RNF135: variants seen among roughly 807,000 people sequenced by gnomAD.
RNF135 encodes E3 ubiquitin-protein ligase RNF135.
A neutral mutation model predicts 41.9 loss-of-function variants in RNF135; 46 were observed. The ratio of observed to expected loss-of-function variants is 1.10; its 90% CI spans 0.87 to 1.40. The LOEUF (loss-of-function observed/expected upper bound fraction) is 1.40, where lower values mean the gene tolerates loss of function less well. Ranked by LOEUF, RNF135 falls within the 40% of genes most tolerant of loss-of-function variation. RNF135 has a pLI of 0.00. For synonymous variants in RNF135, 238 were observed against 223.8 expected (o/e 1.06, Z -0.57); for missense variants, 539 against 549.8 (o/e 0.98, Z 0.20).
At position 30,988,348 on chromosome 17, in the gene RNF135, A is replaced by G. The variant is rs879504364; in HGVS notation, c.679+242A>G. On this transcript the variant is annotated intron_variant, in intron 3 of 4. Coordinates refer to ENST00000328381, the MANE Select transcript of RNF135 (RefSeq NM_032322.4). The stretch of plus-strand genomic sequence containing the variant: ...GATAGAAACTCATTTTTGAAGATCC[A>G]TGCACACAGGTCCTTACTGATCAAG... 3.3e-5 allele frequency among the ~76,000 whole-genome samples: 5 copies of G among 151,512 alleles called. No homozygotes were observed. The Admixed American group carries it at 3.3e-4, about 10-fold the overall frequency.
At chr17:30,971,657 C>T in intron 1 of RNF135, 1 of 1,350,362 alleles carries the variant, frequency 7.4e-7, no homozygotes, top group Non-Finnish European at 9.4e-7. Context: ...CTTCCGAAAG[C>T]TTGTCAACTT....
chr17:30,971,346 G>C lies in RNF135; in HGVS notation c.273G>C (p.Glu91Asp), dbSNP rs1203246474. ...ACAAGTACCGCCGCGCCGCACGCGAGATACAGGCGGGCTCCGACCCTGCCC... is the reference window on the plus strand; with the variant it reads ...ACAAGTACCGCCGCGCCGCACGCGACATACAGGCGGGCTCCGACCCTGCCC... ...LADKYRRAAR[E>D]IQAGSDPAHC... The change falls in exon 1 of 5, where the codon GAG becomes GAC. Residue 91 changes from glutamate (E) to aspartate (D), a missense_variant. By Grantham distance (45) the Glu-to-Asp change is conservative (BLOSUM62 2). Coordinates refer to ENST00000328381, the MANE Select transcript of RNF135 (RefSeq NM_032322.4). 6.5e-7 allele frequency: 1 copy of C among 1,532,724 alleles called. No homozygotes were observed. Among genetic ancestry groups the C allele is most frequent in the Non-Finnish European group, 8.7e-7 (1 of 1,143,506 alleles). The allele number at this position is 1,532,724 out of a possible 1,614,324, so 94.9% of individuals were successfully genotyped here.
At chr17:30,967,854 A>C (rs1905614848), upstream of RNF135, among the ~76,000 whole-genome samples, 1 of 152,008 alleles carries the variant, frequency 6.6e-6, no homozygotes, top group East Asian at 1.9e-4. Context: ...GGTGCCTGCA[A>C]CTACGCCCAG....
intron 4 of RNF135, among the ~76,000 whole-genome samples, chr17:30,997,996 A>C (rs1163136661): frequency 6.6e-6 from 1 of 152,246 alleles, no homozygotes; most frequent in Non-Finnish European, 1.5e-5. Context: ...GTTTCAGTTT[A>C]ACTGGGAAGG....
chr17:30,980,852 G>T (rs1175902613), intron 1 of RNF135, among the ~76,000 whole-genome samples: 1 of 149,924 alleles, frequency 6.7e-6, no homozygotes, highest in African/African-American at 2.5e-5. Context: ...GATGGCGGCC[G>T]GGCAGAGACG....
chr17:30,971,481 C>T (rs1905940746), intron 1 of RNF135, 36 bp downstream of exon 1: 2 of 1,458,174 alleles, frequency 1.4e-6, no homozygotes, highest in Middle Eastern at 4.9e-4. Context: ...CCTGGCTCCC[C>T]CGGGCTGCCC....
chr17:30,988,416 ATTTTTTTTTTT>A (rs56955275), intron 3 of RNF135, among the ~76,000 whole-genome samples: 8 of 81,896 alleles, frequency 9.8e-5, no homozygotes, highest in East Asian at 2.9e-4. Flanking sequence ...GCCACTTTTA[ATTTTTTTTTTT>A]TTTTTTTTTT....
chr17:30,971,151 G>A lies in RNF135; in HGVS notation c.78G>A (p.Gly26=). 4 of 1,533,444 alleles carry A rather than the reference G, an allele frequency of 2.6e-6. No homozygotes were observed. Among genetic ancestry groups the A allele is most frequent in the South Asian group, 2.4e-5 (2 of 83,948 alleles). 95.0% of individuals were successfully genotyped at this position (1,533,444 alleles called of 1,614,324 possible). The change falls in exon 1 of 5, where the codon GGG becomes GGA. Residue 26 remains glycine (G), a synonymous_variant. Coordinates refer to ENST00000328381, the MANE Select transcript of RNF135 (RefSeq NM_032322.4). ...EDDLGCIICQ[G]LLDWPATLPC... is the part of the protein sequence containing the mutation. ...ACCTCGGCTGCATCATCTGCCAGGG[G>A]CTGCTGGACTGGCCCGCCACGCTGC...
In RNF135 at chr17:30,971,103, T is replaced by C. The variant is rs1567734601; in HGVS notation, c.30T>C (p.Val10=). ...CGGGCCTGGGCCTGGGCTCCGCCGT[T>C]CCCGTGTGGCTGGCCGAGGACGACC... The part of the protein sequence containing the change: MAGLGLGSA[V]PVWLAEDDLG... Residue 10 remains valine (V), a synonymous_variant, in exon 1 of 5, where the codon GTT becomes GTC. Coordinates refer to ENST00000328381, the MANE Select transcript of RNF135 (RefSeq NM_032322.4). 4.6e-6 allele frequency: 7 copies of C among 1,534,350 alleles called. No individual in the cohort carries two copies. The highest frequency in any genetic ancestry group is 6.1e-6 in the Non-Finnish European group (7 of 1,146,120).
intron 2 of RNF135, 79 bp from the exon 3 acceptor site, chr17:30,987,865 A>T (rs1417249473): frequency 6.7e-6 from 9 of 1,339,666 alleles, no homozygotes; most frequent in Non-Finnish European, 9.5e-6. Context: ...TTATAGATGA[A>T]TAGAAAAACT....
the RNF135 span, among the ~76,000 whole-genome samples, chr17:30,961,313 G>T: frequency 6.6e-6 from 1 of 152,150 alleles, no homozygotes; most frequent in Non-Finnish European, 1.5e-5. Flanking sequence ...CAGCAATCAT[G>T]CTGACCATTC....
At chr17:30,969,102 C>G (rs535905645), upstream of RNF135, 4 of 152,260 alleles carry the variant, frequency 2.6e-5, no homozygotes, top group African/African-American at 9.6e-5. Flanking sequence ...AAGGTTTCAC[C>G]ATGTTGCTCA....
At chr17:30,993,840 G>T (rs1353022628) in intron 3 of RNF135, 4 of 845,542 alleles carry the variant, frequency 4.7e-6, no homozygotes, top group East Asian at 2.7e-5. Flanking sequence ...TTTGACACAG[G>T]TTCTCTGTTG....
chr17:30,998,721 G>T lies in RNF135; in HGVS notation c.829G>T (p.Asp277Tyr). ...TTCCTGCAGCCTGGAGGTGTCCAAGGATTCCCGTACAGTGACTGTGTCTCA... is the reference window on the plus strand; with the variant it reads ...TTCCTGCAGCCTGGAGGTGTCCAAGTATTCCCGTACAGTGACTGTGTCTCA... ...SLSCSLEVSK[D>Y]SRTVTVSHRP... is the part of the protein sequence containing the mutation. Residue 277 changes from aspartate (D) to tyrosine (Y), a missense_variant, in exon 5 of 5, where the codon GAT becomes TAT. Transcript: ENST00000328381. 1 of 1,613,772 alleles carries T rather than the reference G, an allele frequency of 6.2e-7. No homozygotes were observed. Among genetic ancestry groups the T allele is most frequent in the Non-Finnish European group, 8.5e-7 (1 of 1,179,946 alleles).
chr17:30,965,072 T>C, the RNF135 span: 1 of 152,086 alleles, frequency 6.6e-6, no homozygotes, highest in East Asian at 1.9e-4. Flanking sequence ...ATTTCAGGGC[T>C]GGACGTGGTG....
intron 4 of RNF135, among the ~76,000 whole-genome samples, chr17:30,998,072 A>T (rs956626946): frequency 1.3e-5 from 2 of 152,206 alleles, no homozygotes; most frequent in Non-Finnish European, 2.9e-5. Context: ...GCCTACGCCC[A>T]GCTAATTTTG....
intron 1 of RNF135, among the ~76,000 whole-genome samples, chr17:30,980,421 G>C (rs1245070397): frequency 1.4e-5 from 2 of 138,710 alleles, no homozygotes; most frequent in East Asian, 2.3e-4. Flanking sequence ...CGGGCAGAGG[G>C]GCTCCTCACT....
intron 3 of RNF135, among the ~76,000 whole-genome samples, chr17:30,995,757 A>AG (rs2142732780): frequency 6.6e-6 from 1 of 150,488 alleles, no homozygotes; most frequent in Admixed American, 6.6e-5. Context: ...AGAATTTGTT[A>AG]CTTTTTTTTT....
chr17:30,997,965 G>T (rs1908478092), intron 4 of RNF135, among the ~76,000 whole-genome samples: 1 of 152,224 alleles, frequency 6.6e-6, no homozygotes, highest in Non-Finnish European at 1.5e-5. Context: ...AAGTGAGTAA[G>T]ACATGGTCCT....
Sources: gnomAD v4.1 joint callset for allele counts (sites outside exome capture counted in the v4.1 genomes callset) on GRCh38, gnomAD v4.1.1 for gene constraint, MANE v1.5 for transcripts, NCBI Gene and HGNC (gene_info 2026-07-23, HGNC 2026-07-21) for gene names.